The following SOX6 variants were observed in gnomAD, a reference collection of about 807,000 sequenced individuals.
SOX6 encodes the protein transcription factor SOX-6.
SOX6 carries 11 observed loss-of-function variants against 97.8 expected under a neutral mutation model. The observed-to-expected ratio is 0.11, with a 90% CI of 0.07 to 0.19. The LOEUF is 0.19. Ranked by LOEUF, SOX6 falls within the 10% of genes least tolerant of loss-of-function variation. SOX6 has a pLI of 1.00. For missense variants in SOX6, 810 were observed against 1,039.5 expected, an observed-to-expected ratio of 0.78 and a Z score of 3.04; for synonymous variants, 360 against 371.4, an observed-to-expected ratio of 0.97 and a Z score of 0.35.
intron 3 of SOX6, among the ~76,000 whole-genome samples, chr11:16,646,471 G>GTT (rs527659052): frequency 7.0e-6 from 1 of 142,340 alleles, no homozygotes; most frequent in African/African-American, 2.6e-5. Context: ...TATTTTCTTT[G>GTT]TTTTTTTTTT....
intron 9 of SOX6, 134 bp from the exon 10 acceptor site, chr11:16,056,035 A>C (rs1847807978): frequency 9.8e-7 from 1 of 1,021,444 alleles, no homozygotes; most frequent in African/African-American, 1.6e-5. Context: ...TAAAAAAGGA[A>C]GCTAAGAGAA....
At chr11:16,463,000 C>A (rs1289381385) in intron 1 of SOX6, among the ~76,000 whole-genome samples, 2 of 152,178 alleles carry the variant, frequency 1.3e-5, no homozygotes, top group East Asian at 1.9e-4. Flanking sequence ...ACTAGGCAGG[C>A]CTTTTTCATG....
intron 4 of SOX6, among the ~76,000 whole-genome samples, chr11:16,586,407 T>C (rs1848093928): frequency 6.6e-6 from 1 of 152,180 alleles, no homozygotes; most frequent in African/African-American, 2.4e-5. Flanking sequence ...ATATCAGAGA[T>C]GGCTTGCCTA....
At chr11:16,299,439 C>T (rs1256723067) in intron 3 of SOX6, among the ~76,000 whole-genome samples, 3 of 151,710 alleles carry the variant, frequency 2.0e-5, no homozygotes, top group Admixed American at 6.6e-5. Flanking sequence ...TTATAAAAAA[C>T]GGGGGAGGGG....
chr11:16,257,835 T>C lies in SOX6; in HGVS notation c.446-23164A>G, dbSNP rs939191800. 2.0e-4 allele frequency among the ~76,000 whole-genome samples: 26 copies of C among 127,240 alleles called. No homozygotes were observed. The Admixed American group carries it at 2.1e-3, about 10-fold the overall frequency. The allele number at this position is 127,240 out of a possible 152,430, so 83.5% of individuals were successfully genotyped here. A position where few individuals can be genotyped will look rare whatever the true frequency, so the allele number is the denominator to read the frequency against. On this transcript the variant is annotated intron_variant, in intron 3 of 15. Transcript: ENST00000683767. Reference sequence around the variant, plus strand: ...TGATAAAGGAATGTTAGCCAAAATATACAAATAACTCTTAAAACACAATAA... The same window carrying C: ...TGATAAAGGAATGTTAGCCAAAATACACAAATAACTCTTAAAACACAATAA...
rs201739167 is a variant in SOX6 at position 16,094,111 on chromosome 11, CA to C, written c.1101+1884del. On this transcript the variant is annotated intron_variant, in intron 9 of 15. Transcript: ENST00000683767. Reference sequence around the variant, plus strand: ...TATCAAAGCATCCAGATTTAAACTGCAAAGCTATGAAGGCTCTTGCATTAAT... The same window carrying C: ...TATCAAAGCATCCAGATTTAAACTGCAAGCTATGAAGGCTCTTGCATTAAT... 7.7e-3 allele frequency among the ~76,000 whole-genome samples: 1,168 copies of C among 151,996 alleles called. 18 individuals are homozygous for C. Among genetic ancestry groups the C allele is most frequent in the African/African-American group, 0.027 (1,118 of 41,502 alleles).
intron 3 of SOX6, among the ~76,000 whole-genome samples, chr11:16,655,928 C>A (rs1847713767): frequency 6.6e-6 from 1 of 151,816 alleles, no homozygotes; most frequent in South Asian, 2.1e-4. Context: ...ATGATCACAC[C>A]ACTGCACTCC....
intron 1 of SOX6, among the ~76,000 whole-genome samples, chr11:16,471,486 C>G (rs983039468): frequency 2.6e-5 from 4 of 152,148 alleles, no homozygotes; most frequent in African/African-American, 9.7e-5. Context: ...GAAACCTTCC[C>G]ATGGCCATGA....
intron 2 of SOX6, among the ~76,000 whole-genome samples, chr11:16,330,485 A>G (rs566236413): frequency 6.6e-6 from 1 of 152,308 alleles, no homozygotes; most frequent in South Asian, 2.1e-4. Context: ...TGAACCCAGA[A>G]GGCGGAGGTT....
chr11:16,225,043 C>T (rs1046705094), intron 4 of SOX6, among the ~76,000 whole-genome samples: 1 of 152,022 alleles, frequency 6.6e-6, no homozygotes, highest in African/African-American at 2.4e-5. Flanking sequence ...AACATTATTT[C>T]ATTAAAACTG....
chr11:16,721,985 T>C (rs983475752), intron 2 of SOX6, among the ~76,000 whole-genome samples: 8 of 152,030 alleles, frequency 5.3e-5, no homozygotes, highest in Non-Finnish European at 8.8e-5. Context: ...TGGTTAGTCA[T>C]ATGCAGAAGA....
At chr11:16,199,927 C>A (rs965944109) in intron 4 of SOX6, among the ~76,000 whole-genome samples, 1 of 152,074 alleles carries the variant, frequency 6.6e-6, no homozygotes, top group African/African-American at 2.4e-5. Context: ...AAAAATTTCA[C>A]AAGAATTTAT....
At chr11:16,047,734 G>A (rs1564925208) in intron 11 of SOX6, among the ~76,000 whole-genome samples, 6 of 143,924 alleles carry the variant, frequency 4.2e-5, no homozygotes, top group East Asian at 2.0e-4. Context: ...GTGTGTGTGT[G>A]TATGTGTGTG....
Position 15,970,557 on chromosome 11 carries a change from AT to A in SOX6, c.*2251del, listed in dbSNP as rs1295812260. 6.6e-6 allele frequency: 1 copy of A among 152,614 alleles called. No homozygotes were observed. Among genetic ancestry groups the A allele is most frequent in the Non-Finnish European group, 1.5e-5 (1 of 68,020 alleles). 9.5% of individuals were successfully genotyped at this position (152,614 alleles called of 1,614,324 possible). ...ATCAGTAAGACAATAATAAATACTC[AT>A]TTTTTGAGAGAAAAAATGACCTCCT... On this transcript the variant is annotated 3_prime_UTR_variant, in exon 16 of 16. Transcript: ENST00000683767.
In SOX6 at chr11:15,986,398, G is replaced by A. The variant is rs202159041; in HGVS notation, c.1989C>T (p.Ser663=). 1 of 1,613,928 alleles carries A rather than the reference G, an allele frequency of 6.2e-7. No homozygotes were observed. Among genetic ancestry groups the A allele is most frequent in the Non-Finnish European group, 8.5e-7 (1 of 1,179,966 alleles). ...KILGSRWKSM[S]NQEKQPYYEE... ...CATAATAAGGTTGCTTCTCCTGGTT[G>A]GACATTGATTTCCAGCGAGATCCTA... Residue 663 remains serine (S), a synonymous_variant, in exon 15 of 16, where the codon TCC becomes TCT. Coordinates refer to ENST00000683767, the MANE Select transcript of SOX6 (RefSeq NM_001367873.1).
chr11:16,651,908 T>G (rs751987266), intron 3 of SOX6, among the ~76,000 whole-genome samples: 2 of 152,092 alleles, frequency 1.3e-5, no homozygotes, highest in African/African-American at 4.8e-5. Context: ...ATAGATCTGA[T>G]AAGTAAAGCT....
rs527732356 is a variant in SOX6 at position 16,279,152 on chromosome 11, A to G, written c.445+39294T>C. ...AAAAGCTTAATGTATTTCAGTAACA[A>G]TGAAAAAGTCCCACTATTGAAATAC... On this transcript the variant is annotated intron_variant, in intron 3 of 15. Coordinates refer to ENST00000683767, the MANE Select transcript of SOX6 (RefSeq NM_001367873.1). 2.0e-4 allele frequency among the ~76,000 whole-genome samples: 30 copies of G among 152,234 alleles called. No individual in the cohort carries two copies. In the East Asian group the frequency reaches 5.8e-3, roughly 29 times the overall value.
chr11:16,543,655 G>C (rs1222975876), intron 4 of SOX6, among the ~76,000 whole-genome samples: 1 of 152,004 alleles, frequency 6.6e-6, no homozygotes, highest in African/African-American at 2.4e-5. Context: ...ATTTCCCAAA[G>C]AAAACATACA....
chr11:16,258,809 G>A (rs1853779309), intron 3 of SOX6, among the ~76,000 whole-genome samples: 1 of 150,900 alleles, frequency 6.6e-6, no homozygotes, highest in Admixed American at 6.6e-5. Flanking sequence ...GAGAGGGAGG[G>A]ACGGGCTATA....
Sources: gnomAD v4.1 joint callset for allele counts (sites outside exome capture counted in the v4.1 genomes callset) on GRCh38, gnomAD v4.1.1 for gene constraint, MANE v1.5 for transcripts, NCBI Gene and HGNC (gene_info 2026-07-23, HGNC 2026-07-21) for gene names.